Variants in PRKG1 observed in about 807,000 individuals in gnomAD.
PRKG1 encodes cGMP-dependent protein kinase 1.
Under a neutral mutation model 88.1 loss-of-function variants are expected in PRKG1, and 35 were observed. The observed-to-expected ratio is 0.40, with a 90% CI of 0.30 to 0.53. PRKG1 has a LOEUF of 0.53. Ranked by LOEUF, PRKG1 falls within the 20% of genes least tolerant of loss-of-function variation. The pLI, the probability that PRKG1 is intolerant of heterozygous loss-of-function variation, is 0.59. For synonymous variants in PRKG1, 303 were observed against 292.5 expected (o/e 1.04, Z -0.37); for missense variants, 540 against 839.8 (o/e 0.64, Z 4.41).
intron 5 of PRKG1, among the ~76,000 whole-genome samples, chr10:51,914,352 A>G (rs980841959): frequency 1.3e-5 from 2 of 152,344 alleles, no homozygotes; most frequent in East Asian, 3.9e-4. Flanking sequence ...AGCACTTAAA[A>G]GTCAATTTGA....
intron 3 of PRKG1, among the ~76,000 whole-genome samples, chr10:51,603,124 A>G (rs1371466989): frequency 6.6e-6 from 1 of 151,632 alleles, no homozygotes; most frequent in Non-Finnish European, 1.5e-5. Flanking sequence ...TGCCTGGCTA[A>G]TTTTTGTATT....
intron 5 of PRKG1, among the ~76,000 whole-genome samples, chr10:52,036,584 G>T (rs1191329292): frequency 6.6e-6 from 1 of 151,500 alleles, no homozygotes; most frequent in African/African-American, 2.4e-5. Flanking sequence ...CGCCAAGGAG[G>T]GAGTAGAGGT....
At chr10:52,187,914 A>G (rs929205120) in intron 9 of PRKG1, among the ~76,000 whole-genome samples, 4 of 152,182 alleles carry the variant, frequency 2.6e-5, no homozygotes, top group Admixed American at 6.5e-5. Context: ...ATGCAAAAGA[A>G]GAAAGCAGAG....
At chr10:51,372,363 A>G (rs539526791) in intron 2 of PRKG1, among the ~76,000 whole-genome samples, 1 of 152,270 alleles carries the variant, frequency 6.6e-6, no homozygotes, top group East Asian at 1.9e-4. Context: ...TGAGTTCTTT[A>G]TCTTGTATCC....
intron 7 of PRKG1, among the ~76,000 whole-genome samples, chr10:52,081,038 A>G (rs1267060883): frequency 6.6e-6 from 1 of 152,134 alleles, no homozygotes; most frequent in Non-Finnish European, 1.5e-5. Flanking sequence ...GGCTTCCTTC[A>G]CCCCAATAGG....
intron 1 of PRKG1, among the ~76,000 whole-genome samples, chr10:51,034,203 A>G (rs946409853): frequency 3.9e-5 from 6 of 152,164 alleles, no homozygotes; most frequent in African/African-American, 9.7e-5. Context: ...ATTTCTCTAT[A>G]CTTTAATTGC....
chr10:51,246,231 T>A (rs1419802321), intron 2 of PRKG1, among the ~76,000 whole-genome samples: 2 of 151,972 alleles, frequency 1.3e-5, no homozygotes, highest in African/African-American at 4.8e-5. Flanking sequence ...GAAACAAATA[T>A]CAACATTTAT....
intron 2 of PRKG1, among the ~76,000 whole-genome samples, chr10:51,354,424 T>C (rs1204718738): frequency 2.4e-4 from 36 of 152,110 alleles, no homozygotes; most frequent in Admixed American, 2.4e-3. Context: ...ATGTACCTTA[T>C]AAACATATAC....
At chr10:51,653,337 A>G (rs902033169) in intron 3 of PRKG1, among the ~76,000 whole-genome samples, 1 of 152,158 alleles carries the variant, frequency 6.6e-6, no homozygotes, top group East Asian at 1.9e-4. Flanking sequence ...AACAGTGTAC[A>G]AGGATTCCCT....
intron 3 of PRKG1, among the ~76,000 whole-genome samples, chr10:51,488,686 T>C (rs1267538564): frequency 1.2e-4 from 19 of 152,122 alleles, no homozygotes; most frequent in African/African-American, 3.4e-4. Context: ...CTATGTGGCA[T>C]TAAAAATTTA....
intron 3 of PRKG1, among the ~76,000 whole-genome samples, chr10:51,484,894 A>G (rs1471085614): frequency 1.3e-5 from 2 of 152,322 alleles, no homozygotes; most frequent in Admixed American, 6.5e-5. Flanking sequence ...TCCAGATTCT[A>G]TCTGGCAATA....
At chr10:51,708,317 A>G (rs981172312) in intron 3 of PRKG1, among the ~76,000 whole-genome samples, 7 of 152,108 alleles carry the variant, frequency 4.6e-5, no homozygotes, top group Middle Eastern at 3.2e-3. Context: ...ACCTCATTTA[A>G]TTATAATTAT....
intron 2 of PRKG1, among the ~76,000 whole-genome samples, chr10:51,267,323 A>G (rs1561038): frequency 0.16 from 24,898 of 152,164 alleles, 2,192 homozygotes; most frequent in Non-Finnish European, 0.2. Context: ...TGTTAACATC[A>G]TATAAACTTT....
chr10:51,082,386 G>T (rs10218997), intron 1 of PRKG1, among the ~76,000 whole-genome samples: 1 of 152,044 alleles, frequency 6.6e-6, no homozygotes. Context: ...AATGTAGGAC[G>T]GCGGTTCCCA....
intron 3 of PRKG1, among the ~76,000 whole-genome samples, chr10:51,535,202 T>A (rs1278520793): frequency 6.6e-6 from 1 of 152,164 alleles, no homozygotes; most frequent in Non-Finnish European, 1.5e-5. Flanking sequence ...ATAGGTAATA[T>A]TATGTGGTGT....
Position 51,633,829 on chromosome 10 carries a change from C to T in PRKG1, c.592+165993C>T, listed in dbSNP as rs10998596. Among the ~76,000 whole-genome samples, 291 of 152,178 alleles carry T rather than the reference C, an allele frequency of 1.9e-3. 3 individuals are homozygous for T. The highest frequency in any genetic ancestry group is 6.6e-3 in the African/African-American group (276 of 41,520). On this transcript the variant is annotated intron_variant, in intron 3 of 17. Transcript: ENST00000373980. The stretch of plus-strand genomic sequence containing the variant: ...TTTTTTGGACAGCATGTAGACCAAA[C>T]AAAATTGATCCATAAGCTATTTGGC...
At chr10:51,316,247 G>C (rs2132499196) in intron 2 of PRKG1, among the ~76,000 whole-genome samples, 1 of 152,254 alleles carries the variant, frequency 6.6e-6, no homozygotes, top group Non-Finnish European at 1.5e-5. Flanking sequence ...ATACTACTTT[G>C]ATTGTTGAAC....
chr10:52,183,999 G>C (rs899961407), intron 9 of PRKG1, among the ~76,000 whole-genome samples: 2 of 152,180 alleles, frequency 1.3e-5, no homozygotes, highest in African/African-American at 4.8e-5. Flanking sequence ...TGAGGCTGCA[G>C]AGGTCAGGTG....
chr10:52,212,986 T>C (rs560694605), intron 9 of PRKG1, among the ~76,000 whole-genome samples: 176 of 152,280 alleles, frequency 1.2e-3, no homozygotes, highest in Non-Finnish European at 2.2e-3. Context: ...AAGTGCTTTA[T>C]ATCAGTGGTC....
Sources: gnomAD v4.1 joint callset for allele counts (sites outside exome capture counted in the v4.1 genomes callset) on GRCh38, gnomAD v4.1.1 for gene constraint, MANE v1.5 for transcripts, NCBI Gene and HGNC (gene_info 2026-07-23, HGNC 2026-07-21) for gene names.